The following VWDE variants were observed in gnomAD, a reference collection of about 807,000 sequenced individuals.
VWDE encodes von Willebrand factor D and EGF domain-containing protein.
A neutral mutation model predicts 178.4 loss-of-function variants in VWDE; 207 were observed. The observed-to-expected ratio is 1.16, with a 90% CI of 1.04 to 1.30. The LOEUF (loss-of-function observed/expected upper bound fraction) is 1.30, where lower values mean the gene tolerates loss of function less well. Among genes scored for constraint, VWDE ranks in the 50% most tolerant of loss-of-function variants. VWDE has a pLI of 0.00. For synonymous variants in VWDE, 738 were observed against 651.4 expected (o/e 1.13, Z -2.02); for missense variants, 2,287 against 1,901.3 (o/e 1.20, Z -3.77).
Position 12,367,499 on chromosome 7 carries a change from GA to G in VWDE, c.2762-7del. 41 of 1,461,266 alleles carry G rather than the reference GA, an allele frequency of 2.8e-5. No homozygotes were observed. Among genetic ancestry groups the G allele is most frequent in the Admixed American group, 5.5e-5 (2 of 36,554 alleles). The allele number at this position is 1,461,266 out of a possible 1,614,324, so 90.5% of individuals were successfully genotyped here. A position where few individuals can be genotyped will look rare whatever the true frequency, so the allele number is the denominator to read the frequency against. On this transcript the variant is annotated splice_region_variant and splice_polypyrimidine_tract_variant and intron_variant, in intron 12 of 28. Transcript: ENST00000275358. ...TGTAATTTCAGGAGCTTTGTCTTTGGAAAAAAAATATAACAAATACTACATA... is the reference window on the plus strand; with the variant it reads ...TGTAATTTCAGGAGCTTTGTCTTTGGAAAAAAATATAACAAATACTACATA...
At chr7:12,355,973 T>C (rs991915031) in intron 18 of VWDE, 138 bp downstream of exon 18, 1 of 764,682 alleles carries the variant, frequency 1.3e-6, no homozygotes, top group Non-Finnish European at 2.1e-6. Flanking sequence ...GGATAGTAAT[T>C]ATATTTGTAA....
Position 12,340,332 on chromosome 7 carries a change from G to A in VWDE, c.4356C>T (p.His1452=). 1 of 1,550,382 alleles carries A rather than the reference G, an allele frequency of 6.5e-7. No homozygotes were observed. Among genetic ancestry groups the A allele is most frequent in the Non-Finnish European group, 8.7e-7 (1 of 1,146,102 alleles). The stretch of plus-strand genomic sequence containing the variant: ...AGAAAGAATAATTACCATTCTGACA[G>A]TGTTCCCCAAAGAATCCATTTGGAC... ...CLCPNGFFGE[H]CQNAFCHPPC... The change falls in exon 24 of 29, where the codon CAC becomes CAT. Residue 1452 remains histidine, a synonymous_variant. Transcript: ENST00000275358.
rs533668702 is a variant in VWDE, at chr7:12,342,174, A to G, written c.4175-20T>C. The G allele has an allele frequency of 1.6e-4, 240 of 1,546,194 alleles. 7 individuals are homozygous for G. In the South Asian group the frequency reaches 2.7e-3, roughly 18 times the overall value. On this transcript the variant is annotated intron_variant, in intron 22 of 28. Transcript: ENST00000275358. ...AAACCACTGAGATCATAGAATAAAGAGAAAAGAAAGATTAGGCTTGGAGTA... is the reference window on the plus strand; with the variant it reads ...AAACCACTGAGATCATAGAATAAAGGGAAAAGAAAGATTAGGCTTGGAGTA...
chr7:12,357,252 T>C lies in VWDE; in HGVS notation c.3525+13A>G. 1 of 1,549,086 alleles carries C rather than the reference T, an allele frequency of 6.5e-7. No individual in the cohort carries two copies. The highest frequency in any genetic ancestry group is 8.7e-7 in the Non-Finnish European group (1 of 1,144,912). ...AAAGAATCCAGTGGCACTTATGTAA[T>C]TATAAAGATTACCTCAATCGTGACT... On this transcript the variant is annotated intron_variant, in intron 17 of 28. Transcript: ENST00000275358.
chr7:12,375,974 G>A (rs891265442), intron 7 of VWDE, among the ~76,000 whole-genome samples: 1 of 152,042 alleles, frequency 6.6e-6, no homozygotes, highest in Admixed American at 6.6e-5. Context: ...TCCAATTAAT[G>A]ATTCCAAAGT....
Position 12,383,447 on chromosome 7 carries a change from T to G in VWDE, c.541+89A>C. On this transcript the variant is annotated intron_variant, in intron 4 of 28. Coordinates refer to ENST00000275358, the MANE Select transcript of VWDE (RefSeq NM_001135924.3). ...TTGGTTATATCAAATATCAATATAA[T>G]TCAACATCCAAAGCTGCAGAATATA... 5 of 1,071,338 alleles carry G rather than the reference T, an allele frequency of 4.7e-6. No homozygotes were observed. The South Asian group carries it at 7.0e-5, about 15-fold the overall frequency. The allele number at this position is 1,071,338 out of a possible 1,614,324, so 66.4% of individuals were successfully genotyped here.
At chr7:12,401,935 C>T (rs900626385) in intron 1 of VWDE, among the ~76,000 whole-genome samples, 2 of 152,060 alleles carry the variant, frequency 1.3e-5, no homozygotes, top group African/African-American at 4.8e-5. Context: ...TATAGTATAT[C>T]CACACAATGG....
At chr7:12,389,010 T>C in intron 3 of VWDE, 117 bp downstream of exon 3, 4 of 826,538 alleles carry the variant, frequency 4.8e-6, no homozygotes, top group Non-Finnish European at 8.2e-6. Flanking sequence ...CTAGCAATAA[T>C]GGTAGACTGA....
chr7:12,376,628 A>C (rs1422522712), intron 7 of VWDE, among the ~76,000 whole-genome samples: 1 of 152,092 alleles, frequency 6.6e-6, no homozygotes, highest in African/African-American at 2.4e-5. Flanking sequence ...TTCTCTCCAT[A>C]AACTATAGTA....
intron 23 of VWDE, among the ~76,000 whole-genome samples, chr7:12,340,767 C>T (rs73292394): frequency 0.019 from 2,837 of 152,234 alleles, 83 homozygotes; most frequent in African/African-American, 0.064. Flanking sequence ...CTAGAAGAAA[C>T]GATTGCAAGT....
intron 22 of VWDE, among the ~76,000 whole-genome samples, chr7:12,342,432 T>G (rs1439464087): frequency 6.6e-6 from 1 of 152,102 alleles, no homozygotes. Flanking sequence ...TAGTTATTGA[T>G]GAAAGCAATC....
chr7:12,392,794 G>A (rs555368783), intron 2 of VWDE, among the ~76,000 whole-genome samples: 24 of 130,266 alleles, frequency 1.8e-4, no homozygotes, highest in Admixed American at 1.5e-3. Flanking sequence ...TGAACGTTAC[G>A]TAAAGTTAAG....
At position 12,379,549 on chromosome 7, in the gene VWDE, A is replaced by G. The variant is rs1325976389; in HGVS notation, c.807T>C (p.Ser269=). 1.9e-6 allele frequency: 3 copies of G among 1,549,290 alleles called. No individual in the cohort carries two copies. The highest frequency in any genetic ancestry group is 2.4e-5 in the South Asian group (2 of 83,566). Residue 269 remains serine (S), a synonymous_variant, in exon 6 of 29, where the codon TCT becomes TCC. Coordinates refer to ENST00000275358, the MANE Select transcript of VWDE (RefSeq NM_001135924.3). ...RLGDRIFCSA[S]VFFLENPHVQ... ...CATGAGGATTCTCCAAGAAAAAGACAGAAGCGCTGCAGAATATCTATGGAT... is the reference window on the plus strand; with the variant it reads ...CATGAGGATTCTCCAAGAAAAAGACGGAAGCGCTGCAGAATATCTATGGAT...
At chr7:12,396,782 A>C (rs546391544) in intron 1 of VWDE, among the ~76,000 whole-genome samples, 1 of 152,068 alleles carries the variant, frequency 6.6e-6, no homozygotes, top group African/African-American at 2.4e-5. Flanking sequence ...ACAAAAATAC[A>C]AAATCAGCCA....
intron 2 of VWDE, among the ~76,000 whole-genome samples, chr7:12,390,332 G>C (rs1371212749): frequency 6.6e-6 from 1 of 151,920 alleles, no homozygotes; most frequent in Non-Finnish European, 1.5e-5. Context: ...GCATGATCTT[G>C]GACAAGGCAC....
intron 23 of VWDE, among the ~76,000 whole-genome samples, chr7:12,341,530 G>A (rs376577834): frequency 2.6e-5 from 4 of 152,100 alleles, no homozygotes; most frequent in Admixed American, 1.3e-4. Flanking sequence ...TACTCGGGAG[G>A]CTGAGGCAGG....
In VWDE at chr7:12,369,604, A is replaced by T; in HGVS notation, c.2702T>A (p.Met901Lys). 1.3e-6 allele frequency: 2 copies of T among 1,551,278 alleles called. No individual in the cohort carries two copies. Among genetic ancestry groups the T allele is most frequent in the Non-Finnish European group, 1.7e-6 (2 of 1,146,682 alleles). ...TGGGGAACACGCACACCCCCATTCC[A>T]TGCACTGCCCATTGCCGCTGCATAA... Reference protein sequence around the residue: ...PNLCSGNGQCMEWGCACSPSF... With the variant: ...PNLCSGNGQCKEWGCACSPSF... The change falls in exon 12 of 29, where the codon ATG becomes AAG. Residue 901 changes from methionine (M) to lysine (K), a missense_variant. Coordinates refer to ENST00000275358, the MANE Select transcript of VWDE (RefSeq NM_001135924.3).
chr7:12,374,887 T>G, intron 8 of VWDE, 123 bp downstream of exon 8: 1 of 1,179,462 alleles, frequency 8.5e-7, no homozygotes. Context: ...TATTGAAAAT[T>G]GAATCATTTA....
In VWDE at chr7:12,370,816, C is replaced by G; in HGVS notation, c.1636G>C (p.Gly546Arg). The G allele has an allele frequency of 6.4e-7, 1 of 1,550,746 alleles. No individual in the cohort carries two copies. Among genetic ancestry groups the G allele is most frequent in the Non-Finnish European group, 8.7e-7 (1 of 1,146,572 alleles). ...AFIRADLGEWGMSLTIRAPSV... is the reference protein window; with the variant it reads ...AFIRADLGEWRMSLTIRAPSV... ...GGGGCTCTGATCGTTAGACTCATGC[C>G]CCATTCACCAAGATCAGCACGGATA... The change falls in exon 11 of 29, where the codon GGC (glycine) becomes CGC (arginine). Residue 546 changes from glycine (G) to arginine (R), a missense_variant. Gly to Arg is a moderately radical substitution (Grantham distance 125, BLOSUM62 -2). Transcript: ENST00000275358.
Sources: allele counts gnomAD v4.1 joint callset (sites outside exome capture counted in the v4.1 genomes callset), GRCh38; gene constraint gnomAD v4.1.1; transcripts MANE v1.5; gene names NCBI Gene and HGNC (gene_info 2026-07-23, HGNC 2026-07-21).